CC2D2A: variants seen among roughly 807,000 people sequenced by gnomAD.
CC2D2A encodes the protein coiled-coil and C2 domain containing 2A.
CC2D2A carries 155 observed loss-of-function variants against 212.9 expected under a neutral mutation model. That is an observed-to-expected ratio of 0.73 (90% confidence interval 0.64 to 0.83). CC2D2A has a LOEUF of 0.83. Ranked by LOEUF, CC2D2A falls within the 40% of genes least tolerant of loss-of-function variation. CC2D2A has a pLI of 0.00. For missense variants in CC2D2A, 1,856 were observed against 1,956.2 expected, an observed-to-expected ratio of 0.95 and a Z score of 0.97; for synonymous variants, 667 against 686.5, an observed-to-expected ratio of 0.97 and a Z score of 0.44.
At chr4:15,520,962 G>A (rs908569765) in intron 11 of CC2D2A, among the ~76,000 whole-genome samples, 1 of 152,128 alleles carries the variant, frequency 6.6e-6, no homozygotes, top group African/African-American at 2.4e-5. Flanking sequence ...GGTGGGTAGA[G>A]AAGGACAGAT....
chr4:15,554,185 A>T (rs1443154794), intron 19 of CC2D2A, among the ~76,000 whole-genome samples: 1 of 152,248 alleles, frequency 6.6e-6, no homozygotes, highest in East Asian at 1.9e-4. Flanking sequence ...GTCTGCATTC[A>T]TTTCACTTGC....
intron 23 of CC2D2A, among the ~76,000 whole-genome samples, chr4:15,561,984 A>C (rs181839088): frequency 6.6e-6 from 1 of 152,210 alleles, no homozygotes; most frequent in Admixed American, 6.5e-5. Context: ...CAGGGTAAAT[A>C]TTATATGCGT....
At chr4:15,537,806 G>T (rs1455967631) in intron 15 of CC2D2A, 93 bp from the exon 16 acceptor site, 16 of 1,331,172 alleles carry the variant, frequency 1.2e-5, no homozygotes, top group South Asian at 4.2e-5. Context: ...TGGGGCTGGG[G>T]TTTGTATCCA....
chr4:15,501,750 T>A (rs569927781), intron 4 of CC2D2A, among the ~76,000 whole-genome samples: 2 of 152,178 alleles, frequency 1.3e-5, no homozygotes, highest in Non-Finnish European at 2.9e-5. Flanking sequence ...AGCCTTCATC[T>A]TTGTGATACC....
At chr4:15,470,684 TCTCTCTATATATA>T (rs1713715961) in intron 1 of CC2D2A, among the ~76,000 whole-genome samples, 2 of 27,852 alleles carry the variant, frequency 7.2e-5, no homozygotes, top group African/African-American at 1.9e-4. Context: ...TCTCTCTCTC[TCTCTCTATATATA>T]TATATATATA....
chr4:15,528,579 T>TA (rs1261429003), intron 12 of CC2D2A, 41 bp from the exon 13 acceptor site: 2 of 1,556,788 alleles, frequency 1.3e-6, no homozygotes, highest in Non-Finnish European at 1.8e-6. Context: ...CAGTAGGGAA[T>TA]AGAGTTTGTA....
In CC2D2A at chr4:15,475,878, T is replaced by G. The variant is rs1714179957; in HGVS notation, c.-18-37T>G. The G allele has an allele frequency of 1.0e-5, 15 of 1,483,968 alleles. 1 individual carries two copies. Among genetic ancestry groups the G allele is most frequent in the African/African-American group, 1.4e-5 (1 of 71,940 alleles). 91.9% of individuals were successfully genotyped at this position (1,483,968 alleles called of 1,614,324 possible). ...AGTAAGAGAAGCAATATTTCATTGATTTCAAAATGCCTGACTTCTTCATTG... is the reference window on the plus strand; with the variant it reads ...AGTAAGAGAAGCAATATTTCATTGAGTTCAAAATGCCTGACTTCTTCATTG... On this transcript the variant is annotated intron_variant, in intron 1 of 36. Coordinates refer to ENST00000424120, the MANE Select transcript of CC2D2A (RefSeq NM_001378615.1).
chr4:15,601,304 C>T lies in CC2D2A; in HGVS notation c.4742C>T (p.Thr1581Ile), dbSNP rs764859101. 6.2e-7 allele frequency: 1 copy of T among 1,612,192 alleles called. No homozygotes were observed. The highest frequency in any genetic ancestry group is 1.7e-5 in the Admixed American group (1 of 59,906). ...VKPLIDAVYS[T>I]GVHNIDVPNV... ...CCTTTAATTGACGCTGTGTATAGTA[C>T]TGGAGTACATAATATTGATGTTCCT... Residue 1581 changes from threonine (T) to isoleucine (I), a missense_variant, in exon 37 of 37, where the codon ACT (threonine) becomes ATT (isoleucine). Thr to Ile is a moderately conservative substitution (Grantham distance 89). This residue lies in a region of CC2D2A where 285 missense variants were observed against 278.4 expected (regional missense o/e 1.02). Transcript: ENST00000424120.
intron 4 of CC2D2A, among the ~76,000 whole-genome samples, chr4:15,496,361 T>A (rs995792055): frequency 6.6e-6 from 1 of 152,178 alleles, no homozygotes; most frequent in African/African-American, 2.4e-5. Context: ...TTCTAAAGTT[T>A]TAGGTTTTAC....
intron 29 of CC2D2A, chr4:15,576,580 TTC>T (rs770382272): frequency 2.3e-4 from 36 of 155,068 alleles, no homozygotes; most frequent in Non-Finnish European, 2.8e-4. Flanking sequence ...TTCTTTTTCT[TTC>T]TTTCTTTCTT....
intron 19 of CC2D2A, among the ~76,000 whole-genome samples, chr4:15,554,376 T>TA (rs1445833507): frequency 1.3e-5 from 2 of 152,194 alleles, no homozygotes; most frequent in African/African-American, 4.8e-5. Context: ...GTTTGTTGTT[T>TA]AGTAGTTGGT....
rs7670691 is a variant in CC2D2A, at chr4:15,477,000, C to A, written c.39+1029C>A. Among the ~76,000 whole-genome samples the A allele has an allele frequency of 4.6e-3, 700 of 152,286 alleles. 5 individuals are homozygous for A. The highest frequency in any genetic ancestry group is 0.016 in the African/African-American group (665 of 41,556). ...TGAGGAAACTCATTATAAAACCATG[C>A]AGATTAACTTTAAGCAAGATGGCTG... On this transcript the variant is annotated intron_variant, in intron 2 of 36. Coordinates refer to ENST00000424120, the MANE Select transcript of CC2D2A (RefSeq NM_001378615.1).
At chr4:15,522,200 C>G (rs1006663802) in intron 11 of CC2D2A, among the ~76,000 whole-genome samples, 1 of 152,118 alleles carries the variant, frequency 6.6e-6, no homozygotes, top group Non-Finnish European at 1.5e-5. Context: ...GACCTTGTCT[C>G]TAAAAAATAC....
intron 12 of CC2D2A, among the ~76,000 whole-genome samples, chr4:15,528,251 T>G (rs1178683846): frequency 1.3e-5 from 2 of 152,246 alleles, no homozygotes; most frequent in Non-Finnish European, 2.9e-5. Context: ...ATTTTATAGT[T>G]TCTTTATATC....
intron 28 of CC2D2A, among the ~76,000 whole-genome samples, chr4:15,571,943 G>A (rs1720188187): frequency 6.6e-6 from 1 of 151,952 alleles, no homozygotes; most frequent in Non-Finnish European, 1.5e-5. Context: ...GCTCTGTGTG[G>A]GTGTCTCTAA....
chr4:15,492,951 C>T, intron 4 of CC2D2A: 1 of 506,806 alleles, frequency 2.0e-6, no homozygotes, highest in South Asian at 1.6e-5. Context: ...TGCTTCACCA[C>T]CTTTTTGATG....
chr4:15,541,172 A>G (rs1188590247), intron 17 of CC2D2A, among the ~76,000 whole-genome samples, 158 bp downstream of exon 17: 1 of 151,910 alleles, frequency 6.6e-6, no homozygotes, highest in Admixed American at 6.6e-5. Context: ...AAAAAAAATT[A>G]GCCAAGTGTG....
chr4:15,529,616 C>T (rs902243473), intron 13 of CC2D2A, among the ~76,000 whole-genome samples: 1 of 152,024 alleles, frequency 6.6e-6, no homozygotes, highest in Non-Finnish European at 1.5e-5. Flanking sequence ...TTATATCATG[C>T]TTTAAAGGCT....
chr4:15,503,291 A>G (rs1716070507), intron 6 of CC2D2A, among the ~76,000 whole-genome samples: 5 of 152,220 alleles, frequency 3.3e-5, no homozygotes, highest in African/African-American at 1.2e-4. Context: ...CAACAGTGAG[A>G]CCCTATTTCA....
Sources: gnomAD v4.1 joint callset for allele counts (sites outside exome capture counted in the v4.1 genomes callset) on GRCh38, gnomAD v4.1.1 for gene constraint, gnomAD v4.1.1 regional missense constraint, MANE v1.5 for transcripts, NCBI Gene and HGNC (gene_info 2026-07-23, HGNC 2026-07-21) for gene names.